The following RPF1 variants were observed in gnomAD, a reference collection of about 807,000 sequenced individuals.
RPF1 encodes the protein ribosome production factor 1 homolog, also known as ribosome production factor 1.
RPF1 carries 34 observed loss-of-function variants against 41.9 expected under a neutral mutation model. That is an observed-to-expected ratio of 0.81 (90% CI 0.62 to 1.08). The LOEUF (loss-of-function observed/expected upper bound fraction) is 1.08. RPF1 is among the 50% of genes least tolerant of loss of function. The pLI, the probability that RPF1 is intolerant of heterozygous loss-of-function variation, is 0.00. For missense variants in RPF1, 425 were observed against 435.2 expected, an observed-to-expected ratio of 0.98 and a Z score of 0.21; for synonymous variants, 140 against 148.9, an observed-to-expected ratio of 0.94 and a Z score of 0.43.
At chr1:84,491,790 G>A (rs948611422) in intron 5 of RPF1, among the ~76,000 whole-genome samples, 2 of 152,136 alleles carry the variant, frequency 1.3e-5, no homozygotes, top group Admixed American at 1.3e-4. Context: ...TTCAATAAAT[G>A]TTCTATCCCT....
chr1:84,490,578 T>G (rs1249209205), intron 5 of RPF1, 106 bp downstream of exon 5: 1 of 814,408 alleles, frequency 1.2e-6, no homozygotes, highest in East Asian at 3.0e-5. Context: ...CAGAAAATAA[T>G]TTTTTTATCA....
chr1:84,483,080 G>A (rs1206695734), intron 3 of RPF1, 85 bp downstream of exon 3: 2 of 863,864 alleles, frequency 2.3e-6, no homozygotes, highest in Admixed American at 2.0e-5. Context: ...TAAAGTGCTG[G>A]CTGGCCAAGT....
intron 3 of RPF1, among the ~76,000 whole-genome samples, chr1:84,486,712 A>C (rs1681745848): frequency 6.6e-6 from 1 of 152,164 alleles, no homozygotes; most frequent in Non-Finnish European, 1.5e-5. Context: ...CTACTAAACA[A>C]ATCCAGGAAA....
chr1:84,485,444 A>C (rs1681720347), intron 3 of RPF1, among the ~76,000 whole-genome samples: 3 of 152,178 alleles, frequency 2.0e-5, no homozygotes, highest in African/African-American at 7.2e-5. Context: ...TGTGCATGAC[A>C]CAAACTTTTG....
Position 84,481,006 on chromosome 1 carries a change from C to A in RPF1, c.279C>A (p.Gly93=). 1 of 1,579,630 alleles carries A rather than the reference C, an allele frequency of 6.3e-7. No homozygotes were observed. Among genetic ancestry groups the A allele is most frequent in the Non-Finnish European group, 8.7e-7 (1 of 1,155,424 alleles). ...TTAAAAAAGAAAGAGAGGCTCTTGG[C>A]GATAAGGTAAATAAAATTTTTAGCT... ...KKLKKEREAL[G]DKAPPKPVPK... The change falls in exon 2 of 9, where the codon GGC becomes GGA. Residue 93 remains glycine, a synonymous_variant. Transcript: ENST00000370654.
chr1:84,479,572 G>A, intron 1 of RPF1, 63 bp downstream of exon 1: 1 of 1,484,730 alleles, frequency 6.7e-7, no homozygotes, highest in South Asian at 1.2e-5. Flanking sequence ...GGGCGGTCGC[G>A]GGGCGCACAT....
At position 84,490,333 on chromosome 1, in the gene RPF1, CTG is replaced by C. The variant is rs1180254938; in HGVS notation, c.480_481del (p.Cys160Ter). 6.3e-7 allele frequency: 1 copy of C among 1,590,794 alleles called. No homozygotes were observed. The highest frequency in any genetic ancestry group is 1.7e-4 in the Middle Eastern group (1 of 5,942). The part of the protein sequence containing the change: ...DRPHGRTVRL[C>X]EQLSTVIPNS... ...TTGTTTTGCAGAGAACAGTACGACTCTGTGAACAGCTCTCCACAGTTATACCA... is the reference window on the plus strand; with the variant it reads ...TTGTTTTGCAGAGAACAGTACGACTCTGAACAGCTCTCCACAGTTATACCA... On this transcript the variant is annotated frameshift_variant, in exon 5 of 9. Transcript: ENST00000370654. LOFTEE classifies it high-confidence loss of function.
rs774098385 is a variant in RPF1, at chr1:84,496,239, T to C, written c.882-5T>C. On this transcript the variant is annotated splice_polypyrimidine_tract_variant and splice_region_variant and intron_variant, in intron 7 of 8. Transcript: ENST00000370654. ...AGACTAATTTAACTCTTTTTGTCTT[T>C]GAAGATACATATTCAGGAGTGAAAA... 6.2e-7 allele frequency: 1 copy of C among 1,609,124 alleles called. No individual in the cohort carries two copies. Among genetic ancestry groups the C allele is most frequent in the Non-Finnish European group, 8.5e-7 (1 of 1,178,062 alleles).
rs1681632083 is a variant in RPF1, at chr1:84,480,833, C to T, written c.229-123C>T. 3 of 557,430 alleles carry T rather than the reference C, an allele frequency of 5.4e-6. No homozygotes were observed. The East Asian group carries it at 8.7e-5, about 16-fold the overall frequency. The allele number at this position is 557,430 out of a possible 1,614,324, so 34.5% of individuals were successfully genotyped here. ...AAACTCCACGTCCAGATGCTTATTT[C>T]AATAGATTACAAAGACCGCCCAGTT... On this transcript the variant is annotated intron_variant, in intron 1 of 8. Transcript: ENST00000370654.
At chr1:84,486,373 G>GT (rs1280950232) in intron 3 of RPF1, among the ~76,000 whole-genome samples, 1 of 151,986 alleles carries the variant, frequency 6.6e-6, no homozygotes, top group Non-Finnish European at 1.5e-5. Flanking sequence ...GGATCACGAA[G>GT]TTAGGAGATT....
chr1:84,489,546 C>A, intron 3 of RPF1, 87 bp from the exon 4 acceptor site: 2 of 745,518 alleles, frequency 2.7e-6, no homozygotes, highest in East Asian at 5.2e-5. Context: ...TACTCAGTGT[C>A]CAACAGTCCT....
At chr1:84,486,745 A>T (rs1159505840) in intron 3 of RPF1, among the ~76,000 whole-genome samples, 1 of 152,086 alleles carries the variant, frequency 6.6e-6, no homozygotes, top group Non-Finnish European at 1.5e-5. Flanking sequence ...TTTCATCATG[A>T]CCTGGGCCAG....
chr1:84,484,466 T>C (rs1237309039), intron 3 of RPF1, among the ~76,000 whole-genome samples: 1 of 152,080 alleles, frequency 6.6e-6, no homozygotes, highest in African/African-American at 2.4e-5. Context: ...ATACATTCCA[T>C]TGTAATTACT....
At chr1:84,496,411 G>A (rs760069778) in intron 8 of RPF1, 41 bp downstream of exon 8, 26 of 1,546,276 alleles carry the variant, frequency 1.7e-5, no homozygotes, top group Non-Finnish European at 2.2e-5. Flanking sequence ...CATTTTTAAA[G>A]TATGGGATAA....
chr1:84,496,873 GTTGTT>G (rs779657760), intron 8 of RPF1, among the ~76,000 whole-genome samples: 66 of 152,130 alleles, frequency 4.3e-4, no homozygotes, highest in Non-Finnish European at 7.9e-4. Context: ...TTTTGTTGTT[GTTGTT>G]TTGTTTTTTT....
At chr1:84,497,376 A>G in intron 8 of RPF1, 53 bp from the exon 9 acceptor site, 2 of 1,448,462 alleles carry the variant, frequency 1.4e-6, no homozygotes, top group Non-Finnish European at 1.9e-6. Flanking sequence ...CTGAATTGTT[A>G]ATTATATTTT....
At chr1:84,490,934 C>G (rs1681823319) in intron 5 of RPF1, among the ~76,000 whole-genome samples, 1 of 152,142 alleles carries the variant, frequency 6.6e-6, no homozygotes, top group African/African-American at 2.4e-5. Context: ...GAGAAAAGCG[C>G]TCAGTGCAGA....
rs1306869350 is a variant in RPF1 at position 84,496,267 on chromosome 1, A to G, written c.905A>G (p.Lys302Arg). ...FHRYIFRSEKKVGIQELGPRF... is the reference protein window; with the variant it reads ...FHRYIFRSEKRVGIQELGPRF... ...AGATACATATTCAGGAGTGAAAAGA[A>G]AGTGGGAATTCAGGAACTTGGACCA... The change falls in exon 8 of 9, where the codon AAA (lysine) becomes AGA (arginine). Residue 302 changes from lysine to arginine, a missense_variant. Physicochemically the swap from Lys to Arg is conservative, Grantham distance 26. Coordinates refer to ENST00000370654, the MANE Select transcript of RPF1 (RefSeq NM_025065.7). 2 of 1,613,482 alleles carry G rather than the reference A, an allele frequency of 1.2e-6. No homozygotes were observed. Among genetic ancestry groups the G allele is most frequent in the Non-Finnish European group, 1.7e-6 (2 of 1,179,552 alleles).
chr1:84,497,346 G>A (rs144432669), intron 8 of RPF1, 83 bp from the exon 9 acceptor site: 11 of 1,183,266 alleles, frequency 9.3e-6, no homozygotes, highest in East Asian at 4.8e-5. Context: ...ATCTAGGGAC[G>A]TTAACTTTTA....
Sources: allele counts gnomAD v4.1 joint callset (sites outside exome capture counted in the v4.1 genomes callset), GRCh38; gene constraint gnomAD v4.1.1; transcripts MANE v1.5; gene names NCBI Gene and HGNC (gene_info 2026-07-23, HGNC 2026-07-21).